PRELID2: variants seen among roughly 807,000 people sequenced by gnomAD.
The protein encoded by PRELID2 is PRELI domain containing 2.
Under a neutral mutation model 28.4 loss-of-function variants are expected in PRELID2, and 25 were observed. That is an observed-to-expected ratio of 0.88 (90% CI 0.64 to 1.23). PRELID2 has a LOEUF of 1.23. Ranked by LOEUF, PRELID2 falls within the 50% of genes most tolerant of loss-of-function variation. The probability of loss-of-function intolerance (pLI) is 0.00; values close to 1 mark genes in which losing one functional copy is unlikely to be tolerated. For synonymous variants in PRELID2, 76 were observed against 71.6 expected (o/e 1.06, Z -0.31); for missense variants, 201 against 214.4 (o/e 0.94, Z 0.39).
intron 1 of PRELID2, among the ~76,000 whole-genome samples, chr5:145,672,785 T>C (rs1419753485): frequency 2.6e-5 from 4 of 152,192 alleles, no homozygotes; most frequent in African/African-American, 9.7e-5. Flanking sequence ...CCCATCACCA[T>C]CAATTCCCTA....
chr5:145,641,455 C>CA (rs1164364901), intron 1 of PRELID2, among the ~76,000 whole-genome samples: 5 of 152,016 alleles, frequency 3.3e-5, no homozygotes, highest in East Asian at 1.9e-4. Context: ...ACACTAATGA[C>CA]AAAAAAATGT....
At chr5:145,780,287 G>C (rs991339755) in intron 5 of PRELID2, among the ~76,000 whole-genome samples, 5 of 152,222 alleles carry the variant, frequency 3.3e-5, no homozygotes, top group Non-Finnish European at 5.9e-5. Flanking sequence ...AACAAAGTGA[G>C]ACTCCGCCTC....
chr5:145,491,032 C>A (rs1019187935), intron 1 of PRELID2, among the ~76,000 whole-genome samples: 1 of 151,784 alleles, frequency 6.6e-6, no homozygotes, highest in Non-Finnish European at 1.5e-5. Flanking sequence ...ATTTTGAAAT[C>A]TTGATGACAG....
chr5:145,365,513 G>T, the PRELID2 span, among the ~76,000 whole-genome samples: 43 of 151,954 alleles, frequency 2.8e-4, 1 homozygote, highest in East Asian at 4.8e-3. Flanking sequence ...TATTTAAAAA[G>T]AAATTTCTGA....
chr5:145,556,177 CAAAAAAA>C (rs1231402100), intron 1 of PRELID2, among the ~76,000 whole-genome samples: 5 of 61,226 alleles, frequency 8.2e-5, no homozygotes, highest in South Asian at 6.6e-4. Context: ...GACTCTATCT[CAAAAAAA>C]AAAAAAAAAA....
At chr5:145,391,218 G>T in the PRELID2 span, among the ~76,000 whole-genome samples, 42 of 152,350 alleles carry the variant, frequency 2.8e-4, 1 homozygote, top group South Asian at 8.5e-3. Context: ...CACCCCTGTA[G>T]CAGACTTTTG....
chr5:145,790,701 T>TTGTGTGTGTGTGTGTG (rs148531864), intron 5 of PRELID2, among the ~76,000 whole-genome samples: 8 of 104,942 alleles, frequency 7.6e-5, no homozygotes, highest in African/African-American at 2.5e-4. Context: ...TAATTCCACA[T>TTGTGTGTGTGTGTGTG]TGTGTGTGTG....
rs527540148 is a variant in PRELID2 at position 145,820,041 on chromosome 5, CA to C, written c.134-24del. 1.5e-3 allele frequency: 2,047 copies of C among 1,340,544 alleles called. 28 individuals are homozygous for C. The African/African-American group carries it at 0.023, about 15-fold the overall frequency. The allele number at this position is 1,340,544 out of a possible 1,614,324, so 83.0% of individuals were successfully genotyped here. A position where few individuals can be genotyped will look rare whatever the true frequency, so the allele number is the denominator to read the frequency against. On this transcript the variant is annotated intron_variant, in intron 2 of 6. Transcript: ENST00000683046. ...CATCTAAAAAAGAAATTTTTTTACA[CA>C]AAAAAAAATTAAAGAAATGTGTTCT...
intron 1 of PRELID2, among the ~76,000 whole-genome samples, chr5:145,531,640 C>A (rs1279693926): frequency 2.0e-5 from 3 of 152,164 alleles, no homozygotes; most frequent in Non-Finnish European, 4.4e-5. Context: ...GCAGACTGTG[C>A]ATCGGCAAGG....
In PRELID2 at chr5:145,835,315, C is replaced by T; in HGVS notation, c.-64G>A. 8.6e-7 allele frequency: 1 copy of T among 1,157,064 alleles called. No individual in the cohort carries two copies. The highest frequency in any genetic ancestry group is 2.6e-5 in the East Asian group (1 of 38,082). The allele number at this position is 1,157,064 out of a possible 1,614,324, so 71.7% of individuals were successfully genotyped here. ...CGCGAGCTCAGAGCTGCCCAGGGCT[C>T]CGCAGAGGCCCGGAGGCGCCCACAC... On this transcript the variant is annotated 5_prime_UTR_variant, in exon 1 of 7. Coordinates refer to ENST00000683046, the MANE Select transcript of PRELID2 (RefSeq NM_205846.3).
chr5:145,286,454 C>T, the PRELID2 span, among the ~76,000 whole-genome samples: 152 of 152,190 alleles, frequency 1.0e-3, no homozygotes, highest in African/African-American at 3.1e-3. Context: ...CTATTATCAC[C>T]CCCAATTTAT....
chr5:145,407,825 C>T, the PRELID2 span, among the ~76,000 whole-genome samples: 11 of 152,158 alleles, frequency 7.2e-5, no homozygotes, highest in Non-Finnish European at 1.2e-4. Context: ...AACTTCACTG[C>T]TACCCTAACC....
the PRELID2 span, among the ~76,000 whole-genome samples, chr5:145,243,881 G>T: frequency 6.6e-6 from 1 of 152,006 alleles, no homozygotes; most frequent in South Asian, 2.1e-4. Flanking sequence ...GAAAGTCTTT[G>T]CTAGTTCCCT....
At chr5:145,432,725 C>T in the PRELID2 span, among the ~76,000 whole-genome samples, 2 of 152,068 alleles carry the variant, frequency 1.3e-5, no homozygotes, top group East Asian at 3.9e-4. Context: ...AAAACAAACA[C>T]CAAGCTGCAT....
chr5:145,514,706 C>T (rs1300409837), intron 1 of PRELID2, among the ~76,000 whole-genome samples: 3 of 152,120 alleles, frequency 2.0e-5, no homozygotes, highest in Non-Finnish European at 4.4e-5. Context: ...TTCTTCTCAG[C>T]ATCACATCAC....
At position 145,693,804 on chromosome 5, in the gene PRELID2, G is replaced by A. The variant is rs556552942; in HGVS notation, n.70+71127C>T. Among the ~76,000 whole-genome samples, 257 of 152,194 alleles carry A rather than the reference G, an allele frequency of 1.7e-3. 2 individuals are homozygous for A. Among genetic ancestry groups the A allele is most frequent in the South Asian group, 7.3e-3 (35 of 4,816 alleles). On this transcript the variant is annotated intron_variant and non_coding_transcript_variant, in intron 1 of 2. Coordinates refer to the PRELID2 transcript ENST00000510259. ...AACTTAAATTAAAATTATAAAAATTGAAAAATTAGAGTATCTATGTACTGA... is the reference window on the plus strand; with the variant it reads ...AACTTAAATTAAAATTATAAAAATTAAAAAATTAGAGTATCTATGTACTGA...
chr5:145,592,328 A>G (rs1753241752), intron 1 of PRELID2, among the ~76,000 whole-genome samples: 1 of 152,022 alleles, frequency 6.6e-6, no homozygotes, highest in African/African-American at 2.4e-5. Flanking sequence ...GGAGAATGAC[A>G]CTGAGGAAGG....
the PRELID2 span, among the ~76,000 whole-genome samples, chr5:145,414,381 C>A: frequency 6.6e-6 from 1 of 152,146 alleles, no homozygotes; most frequent in Non-Finnish European, 1.5e-5. Context: ...ACGAAAGTAA[C>A]CCCCCAGGCC....
chr5:145,470,970 C>T (rs780736751), downstream of PRELID2, among the ~76,000 whole-genome samples: 1 of 152,032 alleles, frequency 6.6e-6, no homozygotes, highest in Non-Finnish European at 1.5e-5. Flanking sequence ...TCACCCTCAC[C>T]TAATCCTAAC....
Sources: allele counts gnomAD v4.1 joint callset (sites outside exome capture counted in the v4.1 genomes callset), GRCh38; gene constraint gnomAD v4.1.1; transcripts MANE v1.5; gene names NCBI Gene and HGNC (gene_info 2026-07-23, HGNC 2026-07-21).